The following IFT56 variants were observed in gnomAD, a reference collection of about 807,000 sequenced individuals.
The protein encoded by IFT56 is intraflagellar transport 56, also known as intraflagellar transport protein 56.
chr7:139,136,774 G>A, the IFT56 span, among the ~76,000 whole-genome samples: 1 of 152,158 alleles, frequency 6.6e-6, no homozygotes, highest in African/African-American at 2.4e-5. Context: ...AGTTGGCAGG[G>A]AGGCTCTGCT....
chr7:139,172,850 C>A, the IFT56 span: 1 of 678,668 alleles, frequency 1.5e-6, no homozygotes. Flanking sequence ...ACTGTACTTC[C>A]TTCCTTGCTA....
chr7:139,148,403 G>A, the IFT56 span: 3 of 1,587,132 alleles, frequency 1.9e-6, no homozygotes, highest in African/African-American at 4.0e-5. Flanking sequence ...TGTTTTTAAT[G>A]TACTTCATTC....
chr7:139,177,304 T>C, the IFT56 span, among the ~76,000 whole-genome samples: 1 of 151,756 alleles, frequency 6.6e-6, no homozygotes, highest in African/African-American at 2.4e-5. Flanking sequence ...ACCCAACTTT[T>C]TGCCTGATAT....
the IFT56 span, among the ~76,000 whole-genome samples, chr7:139,157,830 T>C: frequency 6.6e-6 from 1 of 152,156 alleles, no homozygotes. Flanking sequence ...TTTATGTGTT[T>C]TGTTAGATTT....
the IFT56 span, among the ~76,000 whole-genome samples, chr7:139,156,611 C>A: frequency 0.23 from 35,190 of 151,728 alleles, 7,168 homozygotes; most frequent in African/African-American, 0.51. Flanking sequence ...TCCTGATTTT[C>A]TTTTATATTT....
the IFT56 span, chr7:139,178,241 C>T: frequency 1.9e-6 from 3 of 1,613,840 alleles, no homozygotes; most frequent in Non-Finnish European, 2.5e-6. Flanking sequence ...CAGTGCATGG[C>T]TTCCTGTTTC....
chr7:139,189,594 C>T, the IFT56 span: 5 of 567,610 alleles, frequency 8.8e-6, no homozygotes, highest in Non-Finnish European at 1.3e-5. Context: ...GACTTAGTCT[C>T]CTGGCTGAAC....
the IFT56 span, among the ~76,000 whole-genome samples, chr7:139,172,236 C>T: frequency 9.7e-4 from 147 of 152,270 alleles, no homozygotes; most frequent in African/African-American, 2.7e-3. Flanking sequence ...TATGCTTCCA[C>T]GAACATTTCA....
At chr7:139,157,106 G>GT in the IFT56 span, among the ~76,000 whole-genome samples, 2 of 141,714 alleles carry the variant, frequency 1.4e-5, no homozygotes, top group African/African-American at 5.1e-5. Flanking sequence ...CATGAATATG[G>GT]TATCTTTCTC....
chr7:139,134,859 T>A, the IFT56 span: 1 of 1,532,080 alleles, frequency 6.5e-7, no homozygotes, highest in African/African-American at 1.4e-5. Flanking sequence ...CTTGGGTGAA[T>A]GCTGTTTGCT....
chr7:139,156,893 G>A, the IFT56 span, among the ~76,000 whole-genome samples: 26 of 152,216 alleles, frequency 1.7e-4, no homozygotes, highest in African/African-American at 6.3e-4. Flanking sequence ...CACATGTAGT[G>A]GGTCTAGCAA....
At chr7:139,160,491 G>A in the IFT56 span, among the ~76,000 whole-genome samples, 17 of 150,224 alleles carry the variant, frequency 1.1e-4, no homozygotes, top group African/African-American at 2.9e-4. Context: ...ATGCAGTGGC[G>A]CAATCTTGGC....
the IFT56 span, chr7:139,166,813 T>A: frequency 7.2e-7 from 1 of 1,387,138 alleles, no homozygotes; most frequent in Non-Finnish European, 1.0e-6. Context: ...GAATACAGAC[T>A]AGTATAATTA....
chr7:139,171,151 C>G, the IFT56 span, among the ~76,000 whole-genome samples: 3 of 151,934 alleles, frequency 2.0e-5, no homozygotes, highest in Non-Finnish European at 4.4e-5. Context: ...TGAAATATTT[C>G]TACAATAAAA....
the IFT56 span, among the ~76,000 whole-genome samples, chr7:139,188,715 C>G: frequency 6.6e-6 from 1 of 152,180 alleles, no homozygotes; most frequent in African/African-American, 2.4e-5. Context: ...GCATTCATTA[C>G]TTAAAATATG....
chr7:139,148,208 A>T, the IFT56 span: 66 of 1,605,924 alleles, frequency 4.1e-5, no homozygotes, highest in Non-Finnish European at 5.6e-5. Flanking sequence ...TCTAATAGGG[A>T]ATACCTTGCC....
chr7:139,161,021 T>C, the IFT56 span: 6 of 1,613,530 alleles, frequency 3.7e-6, no homozygotes, highest in African/African-American at 6.7e-5. Context: ...AGGCACAATC[T>C]GGTGAATAAC....
At chr7:139,144,813 G>A in the IFT56 span, among the ~76,000 whole-genome samples, 1 of 151,428 alleles carries the variant, frequency 6.6e-6, no homozygotes, top group Non-Finnish European at 1.5e-5. Flanking sequence ...CTAATTTCCA[G>A]TTAAAATTTC....
the IFT56 span, chr7:139,168,498 T>C: frequency 5.0e-6 from 4 of 798,854 alleles, no homozygotes; most frequent in East Asian, 5.2e-5. Context: ...GGCTCTCCTG[T>C]AGCTCCTTTT....
Sources: gnomAD v4.1 joint callset for allele counts (sites outside exome capture counted in the v4.1 genomes callset) on GRCh38, gnomAD v4.1.1 for gene constraint, MANE v1.5 for transcripts, NCBI Gene and HGNC (gene_info 2026-07-23, HGNC 2026-07-21) for gene names.